Variants in DMC1 observed in about 807,000 individuals in gnomAD.
The protein encoded by DMC1 is meiotic recombination protein DMC1 homolog.
In DMC1, 27 loss-of-function variants were observed where a neutral mutation model predicts 50.1. The ratio of observed to expected loss-of-function variants is 0.54; its 90% CI spans 0.40 to 0.74. The LOEUF (loss-of-function observed/expected upper bound fraction) is 0.74. Ranked by LOEUF, DMC1 falls within the 30% of genes least tolerant of loss-of-function variation. The pLI is 0.00. For missense variants in DMC1, 295 were observed against 420.2 expected (o/e 0.70, Z 2.60); for synonymous variants, 148 against 136.1 (o/e 1.09, Z -0.61).
At chr22:38,509,297 T>C in the DMC1 span, among the ~76,000 whole-genome samples, 2 of 152,190 alleles carry the variant, frequency 1.3e-5, no homozygotes, top group Admixed American at 1.3e-4. Context: ...CGTTAGCTAT[T>C]CTTCTCGATG....
rs1163672117 is a variant in DMC1 at position 38,521,584 on chromosome 22, CACACAA to C, written c.953+18_953+23del. On this transcript the variant is annotated intron_variant, in intron 13 of 13. Transcript: ENST00000216024. ...ACACACACACACACACACACACACA[CACACAA>C]AATAAAAAAAAATTTACCTGTCATA... 13 of 1,282,118 alleles carry C rather than the reference CACACAA, an allele frequency of 1.0e-5. No homozygotes were observed. The highest frequency in any genetic ancestry group is 1.5e-5 in the Non-Finnish European group (13 of 894,232). The allele number at this position is 1,282,118 out of a possible 1,614,324, so 79.4% of individuals were successfully genotyped here. A position where few individuals can be genotyped will look rare whatever the true frequency, so the allele number is the denominator to read the frequency against.
chr22:38,566,578 G>A lies in DMC1; in HGVS notation c.243+12C>T. On this transcript the variant is annotated intron_variant, in intron 4 of 13. Coordinates refer to ENST00000216024, the MANE Select transcript of DMC1 (RefSeq NM_007068.4). The stretch of plus-strand genomic sequence containing the variant: ...TGCCAAGCTAAAACAGCAAAGAATG[G>A]ATTTTGCTTACAATTAGTTTGTTCG... The A allele has an allele frequency of 1.2e-6, 2 of 1,614,072 alleles. No homozygotes were observed. Among genetic ancestry groups the A allele is most frequent in the Non-Finnish European group, 1.7e-6 (2 of 1,179,972 alleles).
intron 6 of DMC1, 130 bp downstream of exon 6, chr22:38,555,226 AT>A: frequency 3.1e-6 from 2 of 645,918 alleles, no homozygotes; most frequent in South Asian, 3.9e-5. Flanking sequence ...GATAATTGAG[AT>A]TTTGTAAGTT....
chr22:38,541,405 CCTGAGCATCCTGAGTAG>C (rs1399080014), intron 8 of DMC1, among the ~76,000 whole-genome samples: 1 of 152,162 alleles, frequency 6.6e-6, no homozygotes, highest in Non-Finnish European at 1.5e-5. Context: ...GATTCTCTTG[CCTGAGCATCCTGAGTAG>C]CTGGGACTAC....
Position 38,566,656 on chromosome 22 carries a change from T to C in DMC1, c.177A>G (p.Leu59=). 1 of 1,613,942 alleles carries C rather than the reference T, an allele frequency of 6.2e-7. No homozygotes were observed. Among genetic ancestry groups the C allele is most frequent in the Non-Finnish European group, 8.5e-7 (1 of 1,179,768 alleles). ...KGIQMTTRRA[L]CNVKGLSEAK... is the part of the protein sequence containing the mutation. ...CTTCTGAGAGTCCTTTGACATTGCA[T>C]AGAGCTCTTCTTGTTGTCATCTGTA... Residue 59 remains leucine, a synonymous_variant, in exon 4 of 14, where the codon CTA becomes CTG. Transcript: ENST00000216024.
the DMC1 span, among the ~76,000 whole-genome samples, chr22:38,510,937 T>C: frequency 6.6e-6 from 1 of 152,232 alleles, no homozygotes; most frequent in Non-Finnish European, 1.5e-5. Flanking sequence ...GCATTCTAAC[T>C]GATACACTCC....
At chr22:38,535,197 G>T (rs1458348599) in intron 12 of DMC1, among the ~76,000 whole-genome samples, 1 of 152,000 alleles carries the variant, frequency 6.6e-6, no homozygotes, top group African/African-American at 2.4e-5. Context: ...TACTCAGGAG[G>T]CTGAGGCAGG....
the DMC1 span, among the ~76,000 whole-genome samples, chr22:38,510,242 T>A: frequency 6.6e-6 from 1 of 151,418 alleles, no homozygotes; most frequent in Non-Finnish European, 1.5e-5. Flanking sequence ...TCACTTGAGG[T>A]CAGGAACTCG....
intron 5 of DMC1, among the ~76,000 whole-genome samples, chr22:38,560,711 T>C (rs891562271): frequency 2.0e-5 from 3 of 151,818 alleles, no homozygotes; most frequent in African/African-American, 7.3e-5. Context: ...TATTATATAT[T>C]AATCTTTTAT....
At chr22:38,515,349 G>C (rs1345784184), downstream of DMC1, among the ~76,000 whole-genome samples, 4 of 151,364 alleles carry the variant, frequency 2.6e-5, no homozygotes, top group Non-Finnish European at 5.9e-5. Context: ...GCGAGGTTAG[G>C]CATGCCTGTA....
In DMC1 at chr22:38,526,451, G is replaced by GC. The variant is rs552863788; in HGVS notation, c.837-4728dup. Among the ~76,000 whole-genome samples the GC allele has an allele frequency of 7.0e-3, 1,049 of 150,644 alleles. 11 individuals carry two copies. The highest frequency in any genetic ancestry group is 0.025 in the African/African-American group (1,013 of 40,078). On this transcript the variant is annotated intron_variant, in intron 12 of 13. Coordinates refer to ENST00000216024, the MANE Select transcript of DMC1 (RefSeq NM_007068.4). ...TCTCGAACTCCTGACCTCATGATCT[G>GC]CCCACCTCAGCCTCCCAAAGTGCTG...
chr22:38,533,232 A>C (rs1375474283), intron 12 of DMC1, among the ~76,000 whole-genome samples: 2 of 151,718 alleles, frequency 1.3e-5, no homozygotes, highest in Admixed American at 6.6e-5. Flanking sequence ...CTCTACTAAA[A>C]CACAAAAACA....
chr22:38,526,633 A>C (rs1004185914), intron 12 of DMC1, among the ~76,000 whole-genome samples: 33 of 151,978 alleles, frequency 2.2e-4, no homozygotes, highest in Non-Finnish European at 5.9e-5. Context: ...AAGTCTGGGA[A>C]ATTCATAACC....
chr22:38,553,266 A>C (rs1428917018), intron 6 of DMC1, among the ~76,000 whole-genome samples: 1 of 150,938 alleles, frequency 6.6e-6, no homozygotes, highest in East Asian at 2.0e-4. Flanking sequence ...TGGGAGGCTG[A>C]GGCGGGTGGA....
intron 9 of DMC1, 47 bp from the exon 10 acceptor site, chr22:38,538,659 A>AGAG: frequency 6.7e-7 from 1 of 1,491,154 alleles, no homozygotes; most frequent in Non-Finnish European, 9.4e-7. Context: ...TGAAAGAAGC[A>AGAG]GAGGCTAAGA....
intron 1 of DMC1, chr22:38,569,412 AT>A (rs1413938737): frequency 6.6e-6 from 1 of 152,150 alleles, no homozygotes; most frequent in Non-Finnish European, 1.5e-5. Flanking sequence ...GGAACGAACC[AT>A]TAATACTAAG....
chr22:38,519,945 G>T lies in DMC1; in HGVS notation c.*75C>A. 1 of 1,213,990 alleles carries T rather than the reference G, an allele frequency of 8.2e-7. No individual in the cohort carries two copies. The highest frequency in any genetic ancestry group is 1.2e-6 in the Non-Finnish European group (1 of 818,732). 75.2% of individuals were successfully genotyped at this position (1,213,990 alleles called of 1,614,324 possible). A position where few individuals can be genotyped will look rare whatever the true frequency, so the allele number is the denominator to read the frequency against. On this transcript the variant is annotated 3_prime_UTR_variant, in exon 14 of 14. Coordinates refer to ENST00000216024, the MANE Select transcript of DMC1 (RefSeq NM_007068.4). ...TGGGAAAAAACCTCTATTTCAAGAT[G>T]TGAAATTGGAGACTGCTTTTCCATT...
At chr22:38,515,126 A>G (rs1034642204), downstream of DMC1, among the ~76,000 whole-genome samples, 28 of 149,108 alleles carry the variant, frequency 1.9e-4, no homozygotes, top group Non-Finnish European at 3.9e-4. Context: ...TCAGCCTCCC[A>G]AAGTGTTGGG....
intron 12 of DMC1, among the ~76,000 whole-genome samples, chr22:38,536,047 C>G (rs896630996): frequency 1.3e-5 from 2 of 151,004 alleles, no homozygotes; most frequent in African/African-American, 4.8e-5. Flanking sequence ...ATGGCAAAAC[C>G]CTGTCTCTTC....
Sources: gnomAD v4.1 joint callset for allele counts (sites outside exome capture counted in the v4.1 genomes callset) on GRCh38, gnomAD v4.1.1 for gene constraint, MANE v1.5 for transcripts, NCBI Gene and HGNC (gene_info 2026-07-23, HGNC 2026-07-21) for gene names.